SPART: variants seen among roughly 807,000 people sequenced by gnomAD.
SPART encodes spartin, also known as spastic paraplegia 20 (Troyer syndrome).
A neutral mutation model predicts 58.7 loss-of-function variants in SPART; 35 were observed. That is an observed-to-expected ratio of 0.60 (90% CI 0.46 to 0.79). The LOEUF (loss-of-function observed/expected upper bound fraction) is 0.79, where lower values mean the gene tolerates loss of function less well. SPART is among the 30% of genes least tolerant of loss of function. The pLI is 0.00. For missense variants in SPART, 730 were observed against 786.1 expected (o/e 0.93, Z 0.85); for synonymous variants, 284 against 280.7 (o/e 1.01, Z -0.12).
rs973569009 is a variant in SPART at position 36,346,243 on chromosome 13, G to C, written c.-21C>G. On this transcript the variant is annotated 5_prime_UTR_variant, in exon 1 of 9. Coordinates refer to ENST00000438666, the MANE Select transcript of SPART (RefSeq NM_015087.5). ...GCCCCACCTGCGCCTTCCAGACCTC[G>C]GGCGCCCCGGCGTTGCCTCGAGAGC... 1 of 134,586 alleles carries C rather than the reference G, an allele frequency of 7.4e-6. No individual in the cohort carries two copies. The highest frequency in any genetic ancestry group is 2.8e-5 in the African/African-American group (1 of 35,996). The allele number at this position is 134,586 out of a possible 1,614,324, so 8.3% of individuals were successfully genotyped here. A position where few individuals can be genotyped will look rare whatever the true frequency, so the allele number is the denominator to read the frequency against.
At chr13:36,315,845 A>T (rs1375492361) in intron 5 of SPART, among the ~76,000 whole-genome samples, 1 of 152,244 alleles carries the variant, frequency 6.6e-6, no homozygotes. Flanking sequence ...TAATGAAATT[A>T]TAAGAAATAA....
At chr13:36,316,726 T>C (rs1044069203) in intron 5 of SPART, among the ~76,000 whole-genome samples, 1 of 152,206 alleles carries the variant, frequency 6.6e-6, no homozygotes, top group East Asian at 1.9e-4. Context: ...GCCTTGTTGC[T>C]CACACAAAGC....
At chr13:36,351,564 A>G (rs1461776068) in intron 1 of SPART, among the ~76,000 whole-genome samples, 1 of 152,216 alleles carries the variant, frequency 6.6e-6, no homozygotes, top group Non-Finnish European at 1.5e-5. Flanking sequence ...AAACAGTAGT[A>G]GTATACATAG....
At chr13:36,364,589 T>C (rs117018003) in intron 1 of SPART, among the ~76,000 whole-genome samples, 3 of 152,280 alleles carry the variant, frequency 2.0e-5, no homozygotes, top group East Asian at 1.9e-4. Flanking sequence ...GAAACTTGTA[T>C]AGTTTCAGGT....
chr13:36,364,877 T>A (rs1240570782), intron 1 of SPART, among the ~76,000 whole-genome samples: 1 of 152,184 alleles, frequency 6.6e-6, no homozygotes, highest in African/African-American at 2.4e-5. Flanking sequence ...GTGACCTCTC[T>A]GCTGTCAATC....
intron 1 of SPART, among the ~76,000 whole-genome samples, chr13:36,337,371 C>T (rs1404322565): frequency 6.6e-6 from 1 of 152,160 alleles, no homozygotes; most frequent in Non-Finnish European, 1.5e-5. Context: ...CCAGATCTCA[C>T]CTTGAACTGT....
At chr13:36,316,471 T>A (rs956527899) in intron 5 of SPART, among the ~76,000 whole-genome samples, 2 of 152,186 alleles carry the variant, frequency 1.3e-5, no homozygotes, top group African/African-American at 2.4e-5. Context: ...AAAAGAAGTG[T>A]AAATGGCCAC....
intron 1 of SPART, among the ~76,000 whole-genome samples, chr13:36,362,613 C>T (rs1384224095): frequency 6.6e-6 from 1 of 151,998 alleles, no homozygotes; most frequent in Non-Finnish European, 1.5e-5. Flanking sequence ...TGCATGAGGC[C>T]ACCTGAGAAG....
At chr13:36,320,574 A>T (rs1333883578) in intron 5 of SPART, among the ~76,000 whole-genome samples, 2 of 152,088 alleles carry the variant, frequency 1.3e-5, no homozygotes, top group Non-Finnish European at 2.9e-5. Context: ...TCAGTGTTAC[A>T]TCTGCTATTC....
rs1378949520 is a variant in SPART, at chr13:36,303,169, G to A, written c.*1196C>T. On this transcript the variant is annotated 3_prime_UTR_variant, in exon 9 of 9. Transcript: ENST00000438666. The stretch of plus-strand genomic sequence containing the variant: ...GCAATTCAGTTTTTTAATTCATAAA[G>A]TGCATTCTTCAGACAGCTTCAAATA... 5 of 152,172 alleles carry A rather than the reference G, an allele frequency of 3.3e-5. No individual in the cohort carries two copies. Among genetic ancestry groups the A allele is most frequent in the African/African-American group, 4.8e-5 (2 of 41,440 alleles). 9.4% of individuals were successfully genotyped at this position (152,172 alleles called of 1,614,324 possible).
intron 5 of SPART, among the ~76,000 whole-genome samples, chr13:36,317,472 C>G (rs944290331): frequency 4.8e-4 from 42 of 87,384 alleles, no homozygotes; most frequent in African/African-American, 1.4e-3. Flanking sequence ...TGTGCCCTAA[C>G]TTAACTCTGC....
intron 5 of SPART, among the ~76,000 whole-genome samples, chr13:36,324,808 G>A (rs901343336): frequency 6.6e-6 from 1 of 152,168 alleles, no homozygotes; most frequent in Non-Finnish European, 1.5e-5. Flanking sequence ...GGGTGGGGCC[G>A]TTTTATAGGA....
chr13:36,359,167 A>C (rs1362414716), intron 1 of SPART, among the ~76,000 whole-genome samples: 1 of 152,210 alleles, frequency 6.6e-6, no homozygotes, highest in Non-Finnish European at 1.5e-5. Flanking sequence ...CATTTTGTTG[A>C]ATACCGTATG....
chr13:36,367,917 C>T (rs543327196), intron 1 of SPART, among the ~76,000 whole-genome samples: 3 of 152,306 alleles, frequency 2.0e-5, no homozygotes, highest in Admixed American at 2.0e-4. Context: ...TATATATTCT[C>T]AGGATACGAC....
intron 1 of SPART, among the ~76,000 whole-genome samples, chr13:36,353,084 A>T (rs1885483419): frequency 6.6e-6 from 1 of 152,266 alleles, no homozygotes; most frequent in Non-Finnish European, 1.5e-5. Context: ...GTGATGTATG[A>T]AGCCTACATT....
chr13:36,335,714 CT>C lies in SPART; in HGVS notation c.116del (p.Lys39ArgfsTer12). 1 of 1,614,108 alleles carries C rather than the reference CT, an allele frequency of 6.2e-7. No individual in the cohort carries two copies. The highest frequency in any genetic ancestry group is 8.5e-7 in the Non-Finnish European group (1 of 1,180,014). ...KGLNTDELGQ[K>X]EEAKNYYKQG... ...GCTTATAGTAGTTCTTTGCTTCTTC[CT>C]TCTGACCTAATTCATCTGTATTCAG... On this transcript the variant is annotated frameshift_variant, in exon 2 of 9. Transcript: ENST00000438666. LOFTEE classifies it high-confidence loss of function.
chr13:36,324,724 G>A (rs1292028830), intron 5 of SPART, among the ~76,000 whole-genome samples: 1 of 152,196 alleles, frequency 6.6e-6, no homozygotes, highest in Non-Finnish European at 1.5e-5. Context: ...GGCTTTGTGT[G>A]AGCAACAAGG....
chr13:36,336,959 T>C lies in SPART; in HGVS notation c.-2-1127A>G, dbSNP rs368763628. On this transcript the variant is annotated intron_variant, in intron 1 of 8. Transcript: ENST00000438666. Reference sequence around the variant, plus strand: ...GAATGAATTAAATGGGAAAAACTGGTCTATGATATGACATAAATCAAAATA... The same window carrying C: ...GAATGAATTAAATGGGAAAAACTGGCCTATGATATGACATAAATCAAAATA... Among the ~76,000 whole-genome samples the C allele has an allele frequency of 1.8e-4, 27 of 152,296 alleles. 1 individual carries two copies. The highest frequency in any genetic ancestry group is 6.5e-4 in the African/African-American group (27 of 41,566).
intron 5 of SPART, among the ~76,000 whole-genome samples, chr13:36,322,058 A>G (rs1882464455): frequency 6.6e-6 from 1 of 151,972 alleles, no homozygotes; most frequent in Non-Finnish European, 1.5e-5. Context: ...CCCAAATCCT[A>G]TAAAATGGCC....
Sources: gnomAD v4.1 joint callset for allele counts (sites outside exome capture counted in the v4.1 genomes callset) on GRCh38, gnomAD v4.1.1 for gene constraint, MANE v1.5 for transcripts, NCBI Gene and HGNC (gene_info 2026-07-23, HGNC 2026-07-21) for gene names.